PSME3: variants seen among roughly 807,000 people sequenced by gnomAD.
The protein encoded by PSME3 is proteasome activator complex subunit 3.
In PSME3, 7 loss-of-function variants were observed where a neutral mutation model predicts 38.3. The ratio of observed to expected loss-of-function variants is 0.18; its 90% CI spans 0.10 to 0.34. The LOEUF is 0.34. PSME3 is among the 10% of genes least tolerant of loss of function. The probability of loss-of-function intolerance (pLI) is 1.00; values close to 1 mark genes in which losing one functional copy is unlikely to be tolerated. For missense variants in PSME3, 192 were observed against 307.6 expected (o/e 0.62, Z 2.81); for synonymous variants, 108 against 105.7 (o/e 1.02, Z -0.13).
At position 42,839,353 on chromosome 17, in the gene PSME3, C is replaced by T. The variant is rs144379026; in HGVS notation, c.657C>T (p.Leu219=). 8 of 1,612,296 alleles carry T rather than the reference C, an allele frequency of 5.0e-6. No individual in the cohort carries two copies. Among genetic ancestry groups the T allele is most frequent in the African/African-American group, 4.0e-5 (3 of 74,864 alleles). ...IDEKEYISLR[L]IISELRNQYV... is the part of the protein sequence containing the mutation. ...AGAAAGAATATATCAGCCTTCGGCT[C>T]ATCATATCAGAGCTGAGGAATCAAT... The change falls in exon 10 of 11, where the codon CTC becomes CTT. Residue 219 remains leucine, a synonymous_variant. Transcript: ENST00000590720.
chr17:42,839,091 T>C, intron 8 of PSME3, 21 bp from the exon 9 acceptor site: 2 of 1,588,926 alleles, frequency 1.3e-6, no homozygotes, highest in Non-Finnish European at 1.7e-6. Context: ...TGCATCTTCC[T>C]CCTCTTCTCT....
In PSME3 at chr17:42,833,547, G is replaced by C; in HGVS notation, c.-85G>C. 2 of 1,574,730 alleles carry C rather than the reference G, an allele frequency of 1.3e-6. No individual in the cohort carries two copies. The highest frequency in any genetic ancestry group is 2.3e-5 in the East Asian group (1 of 44,410). On this transcript the variant is annotated 5_prime_UTR_variant, in exon 1 of 11. Coordinates refer to ENST00000590720, the MANE Select transcript of PSME3 (RefSeq NM_005789.4). Reference sequence around the variant, plus strand: ...GGGCGGTCGGGTCCCGAGGTCAGCCGAGATTTCTCAGGTCCCTCCGGCCCC... The same window carrying C: ...GGGCGGTCGGGTCCCGAGGTCAGCCCAGATTTCTCAGGTCCCTCCGGCCCC...
intron 10 of PSME3, among the ~76,000 whole-genome samples, chr17:42,839,937 G>A (rs188398548): frequency 4.6e-5 from 7 of 150,622 alleles, no homozygotes; most frequent in Admixed American, 2.6e-4. Context: ...TGGAGGTTGC[G>A]GTGAGCCAAG....
chr17:42,834,351 C>G lies in PSME3; in HGVS notation c.50C>G (p.Ser17Cys), dbSNP rs770580081. Reference protein sequence around the residue: ...VDQEVKLKVDSFRERITSEAE... With the variant: ...VDQEVKLKVDCFRERITSEAE... ...TCTCTTTGTTAATTTTAGGTTGATT[C>G]TTTCAGGGAGCGGATCACAAGTGAG... Residue 17 changes from serine to cysteine, a missense_variant, in exon 2 of 11, where the codon TCT (serine) becomes TGT (cysteine). Physicochemically the swap from Ser to Cys is moderately radical, Grantham distance 112. This residue lies in a region of PSME3 where 110 missense variants were observed against 139.3 expected (regional missense o/e 0.79). Coordinates refer to ENST00000590720, the MANE Select transcript of PSME3 (RefSeq NM_005789.4). The G allele has an allele frequency of 1.2e-6, 2 of 1,613,766 alleles. No homozygotes were observed. The highest frequency in any genetic ancestry group is 1.7e-6 in the Non-Finnish European group (2 of 1,180,012).
intron 4 of PSME3, among the ~76,000 whole-genome samples, chr17:42,837,312 G>A (rs1361082084): frequency 6.6e-6 from 1 of 152,082 alleles, no homozygotes; most frequent in Non-Finnish European, 1.5e-5. Flanking sequence ...GCCTCTTAAA[G>A]TGCTGGGATT....
rs746119256 is a variant in PSME3, at chr17:42,833,627, C to T, written c.-5C>T. 2.5e-6 allele frequency: 4 copies of T among 1,614,120 alleles called. No homozygotes were observed. The highest frequency in any genetic ancestry group is 3.3e-5 in the Admixed American group (2 of 60,012). On this transcript the variant is annotated 5_prime_UTR_variant, in exon 1 of 11. Transcript: ENST00000590720. Reference sequence around the variant, plus strand: ...CCAGAGGATCGGACACGGCCCGGCCCGGCCATGGCCTCGTTGCTGAAGGTG... The same window carrying T: ...CCAGAGGATCGGACACGGCCCGGCCTGGCCATGGCCTCGTTGCTGAAGGTG...
At chr17:42,841,318 G>C (rs1339868656) in intron 10 of PSME3, among the ~76,000 whole-genome samples, 180 bp from the exon 11 acceptor site, 2 of 152,098 alleles carry the variant, frequency 1.3e-5, no homozygotes, top group Non-Finnish European at 1.5e-5. Context: ...TTCTGTACTT[G>C]ATTTGCTTAC....
rs528492210 is a variant in PSME3, at chr17:42,841,340, T to C, written c.685-158T>C. Among the ~76,000 whole-genome samples the C allele has an allele frequency of 1.6e-4, 25 of 152,316 alleles. No individual in the cohort carries two copies. The East Asian group carries it at 4.8e-3, about 29-fold the overall frequency. On this transcript the variant is annotated intron_variant, in intron 10 of 10. Coordinates refer to ENST00000590720, the MANE Select transcript of PSME3 (RefSeq NM_005789.4). Reference sequence around the variant, plus strand: ...CTTGATTTGCTTACCTGCTGTACTTTAATTTCCTTCAAGTCGCAGTTGCTA... The same window carrying C: ...CTTGATTTGCTTACCTGCTGTACTTCAATTTCCTTCAAGTCGCAGTTGCTA...
intron 3 of PSME3, 86 bp from the exon 4 acceptor site, chr17:42,834,686 A>G (rs570885545): frequency 1.2e-6 from 2 of 1,603,936 alleles, no homozygotes; most frequent in South Asian, 2.2e-5. Context: ...TTAAACTGTA[A>G]AAGCACTTTC....
chr17:42,841,201 G>A (rs1043348398), intron 10 of PSME3, among the ~76,000 whole-genome samples: 2 of 150,390 alleles, frequency 1.3e-5, no homozygotes, highest in African/African-American at 4.9e-5. Flanking sequence ...TAGAAACTGC[G>A]ACTTTAAAAA....
intron 6 of PSME3, among the ~76,000 whole-genome samples, chr17:42,838,455 C>T (rs2055490823): frequency 6.6e-6 from 1 of 152,112 alleles, no homozygotes; most frequent in African/African-American, 2.4e-5. Flanking sequence ...TTACAGGTAC[C>T]TGCCAACACA....
chr17:42,836,931 A>G (rs1019983165), intron 4 of PSME3, among the ~76,000 whole-genome samples: 2 of 150,368 alleles, frequency 1.3e-5, no homozygotes, highest in Non-Finnish European at 3.0e-5. Flanking sequence ...CATAGGCTGG[A>G]GTGCAGTGGC....
Position 42,834,550 on chromosome 17 carries a change from G to C in PSME3, c.111G>C (p.Lys37Asn). 2 of 1,613,754 alleles carry C rather than the reference G, an allele frequency of 1.2e-6. No homozygotes were observed. Among genetic ancestry groups the C allele is most frequent in the Non-Finnish European group, 1.7e-6 (2 of 1,179,898 alleles). The change falls in exon 3 of 11, where the codon AAG becomes AAC. Residue 37 changes from lysine to asparagine, a missense_variant. Transcript: ENST00000590720. ...EDLVANFFPK[K>N]LLELDSFLKE... Reference sequence around the variant, plus strand: ...TGGTGGCAAATTTTTTCCCAAAGAAGTTATTAGAACTTGATAGTTTTCTGA... The same window carrying C: ...TGGTGGCAAATTTTTTCCCAAAGAACTTATTAGAACTTGATAGTTTTCTGA...
At chr17:42,834,961 G>GGGCCGGGCGCGGTGGCTCACGCCTGT in intron 4 of PSME3, 85 bp downstream of exon 4, 1 of 1,560,676 alleles carries the variant, frequency 6.4e-7, no homozygotes, top group Non-Finnish European at 8.7e-7. Flanking sequence ...TGTACAGAGG[G>GGGCCGGGCGCGGTGGCTCACGCCTGT]AACAGTGGGA....
chr17:42,841,465 G>C, intron 10 of PSME3, 33 bp from the exon 11 acceptor site: 1 of 1,431,278 alleles, frequency 7.0e-7, no homozygotes, highest in South Asian at 1.2e-5. Context: ...GGGTTGTACA[G>C]ATATGTGATT....
intron 10 of PSME3, among the ~76,000 whole-genome samples, chr17:42,839,935 G>A (rs995860943): frequency 1.3e-5 from 2 of 151,940 alleles, no homozygotes; most frequent in African/African-American, 2.4e-5. Context: ...GTTGGAGGTT[G>A]CGGTGAGCCA....
At chr17:42,834,029 G>C in intron 1 of PSME3, 1 of 1,440,074 alleles carries the variant, frequency 6.9e-7, no homozygotes, top group South Asian at 1.5e-5. Context: ...CTGGGTGGGG[G>C]TTGGCACGTT....
intron 1 of PSME3, 183 bp downstream of exon 1, chr17:42,833,856 C>G (rs2055429369): frequency 6.7e-7 from 1 of 1,502,708 alleles, no homozygotes; most frequent in Admixed American, 2.1e-5. Flanking sequence ...GGATGGCTTT[C>G]TGTACCGCGT....
At position 42,833,600 on chromosome 17, in the gene PSME3, G is replaced by A. The variant is rs757178358; in HGVS notation, c.-32G>A. On this transcript the variant is annotated 5_prime_UTR_variant, in exon 1 of 11. Transcript: ENST00000590720. The stretch of plus-strand genomic sequence containing the variant: ...CCCTGGAGTCCACAGCGCCTCCGGT[G>A]TCCAGAGGATCGGACACGGCCCGGC... 6.8e-6 allele frequency: 11 copies of A among 1,613,884 alleles called. No homozygotes were observed.
Sources: gnomAD v4.1 joint callset for allele counts (sites outside exome capture counted in the v4.1 genomes callset) on GRCh38, gnomAD v4.1.1 for gene constraint, gnomAD v4.1.1 regional missense constraint, MANE v1.5 for transcripts, NCBI Gene and HGNC (gene_info 2026-07-23, HGNC 2026-07-21) for gene names.